Variants in SMYD3 observed in about 807,000 individuals in gnomAD.
SMYD3 encodes SET and MYND domain containing 3.
Under a neutral mutation model 57.7 loss-of-function variants are expected in SMYD3, and 36 were observed. The ratio of observed to expected loss-of-function variants is 0.62; its 90% CI spans 0.48 to 0.82. The LOEUF is 0.82. Among genes scored for constraint, SMYD3 ranks in the 40% least tolerant of loss-of-function variants. SMYD3 has a pLI of 0.00. For missense variants in SMYD3, 515 were observed against 538.8 expected, an observed-to-expected ratio of 0.96 and a Z score of 0.44; for synonymous variants, 211 against 195.0, an observed-to-expected ratio of 1.08 and a Z score of -0.68.
At chr1:246,272,578 T>C (rs1172789896) in intron 5 of SMYD3, among the ~76,000 whole-genome samples, 1 of 152,342 alleles carries the variant, frequency 6.6e-6, no homozygotes, top group Non-Finnish European at 1.5e-5. Context: ...TTATATGATA[T>C]ATTACACTGA....
At chr1:245,855,381 G>T (rs1372290895) in intron 10 of SMYD3, among the ~76,000 whole-genome samples, 1 of 152,074 alleles carries the variant, frequency 6.6e-6, no homozygotes. Flanking sequence ...AGACTTTCAT[G>T]GGTTAGTCTG....
At chr1:245,816,991 G>A (rs1227978484) in intron 10 of SMYD3, among the ~76,000 whole-genome samples, 1 of 151,582 alleles carries the variant, frequency 6.6e-6, no homozygotes, top group African/African-American at 2.4e-5. Flanking sequence ...CCATTGCCCA[G>A]GCTTGCTTAG....
intron 10 of SMYD3, among the ~76,000 whole-genome samples, chr1:245,825,195 C>T (rs1463539003): frequency 1.3e-5 from 2 of 152,292 alleles, no homozygotes; most frequent in East Asian, 3.9e-4. Flanking sequence ...ACCACCTCTC[C>T]CTGTAATCTT....
rs146903594 is a variant in SMYD3 at position 246,395,588 on chromosome 1, G to GGTCAGACAGGGAAGAGGAACCCACCACA, written c.165-40495_165-40494insTGTGGTGGGTTCCTCTTCCCTGTCTGAC. Among the ~76,000 whole-genome samples, 740 of 127,498 alleles carry GGTCAGACAGGGAAGAGGAACCCACCACA rather than the reference G, an allele frequency of 5.8e-3. 167 individuals are homozygous for GGTCAGACAGGGAAGAGGAACCCACCACA. The highest frequency in any genetic ancestry group is 0.038 in the South Asian group (126 of 3,290). The allele number at this position is 127,498 out of a possible 152,430, so 83.6% of individuals were successfully genotyped here. A position where few individuals can be genotyped will look rare whatever the true frequency, so the allele number is the denominator to read the frequency against. On this transcript the variant is annotated intron_variant, in intron 1 of 11. Transcript: ENST00000490107. ...ACTACTACTGCGAGTGGACCCCCAC[G>GGTCAGACAGGGAAGAGGAACCCACCACA]GTCAGACAGGGAAGAGGAACCCACC...
intron 5 of SMYD3, among the ~76,000 whole-genome samples, chr1:245,973,179 C>G (rs1489674910): frequency 1.3e-5 from 2 of 152,144 alleles, no homozygotes; most frequent in East Asian, 3.9e-4. Flanking sequence ...TCAAAACTTT[C>G]AACTCTAGAA....
intron 5 of SMYD3, among the ~76,000 whole-genome samples, chr1:246,036,720 A>ATTTTTTTTTTT (rs546300378): frequency 4.5e-4 from 50 of 110,488 alleles, no homozygotes; most frequent in African/African-American, 1.7e-3. Context: ...AGCCCGGCTA[A>ATTTTTTTTTTT]TTTTTTTTTT....
intron 5 of SMYD3, among the ~76,000 whole-genome samples, chr1:246,177,421 C>T (rs1362324756): frequency 1.3e-5 from 2 of 152,180 alleles, no homozygotes; most frequent in East Asian, 3.8e-4. Context: ...AAATTCTAGA[C>T]ATGGCAGCCT....
intron 1 of SMYD3, among the ~76,000 whole-genome samples, chr1:246,400,979 G>A (rs190818881): frequency 2.0e-5 from 3 of 152,068 alleles, no homozygotes; most frequent in Non-Finnish European, 4.4e-5. Flanking sequence ...AAAATCTGAA[G>A]CTCATAAATC....
chr1:246,294,643 T>C (rs1572347801), intron 5 of SMYD3, among the ~76,000 whole-genome samples: 1 of 151,990 alleles, frequency 6.6e-6, no homozygotes. Flanking sequence ...CTGTTGCCCA[T>C]GTTGGCGTGC....
chr1:246,048,638 T>C (rs1454544233), intron 5 of SMYD3, among the ~76,000 whole-genome samples: 1 of 152,198 alleles, frequency 6.6e-6, no homozygotes. Flanking sequence ...ATTCCAAGTC[T>C]GGGCTTCACC....
At chr1:245,901,798 C>T (rs1449385272) in intron 8 of SMYD3, among the ~76,000 whole-genome samples, 1 of 152,220 alleles carries the variant, frequency 6.6e-6, no homozygotes, top group Non-Finnish European at 1.5e-5. Context: ...GGGATTGGCT[C>T]AGAGCCAGGA....
chr1:246,366,073 C>T (rs1166429122), intron 1 of SMYD3, among the ~76,000 whole-genome samples: 2 of 152,044 alleles, frequency 1.3e-5, no homozygotes, highest in Non-Finnish European at 2.9e-5. Context: ...TAAAAAATAA[C>T]GAGCAGAATC....
At chr1:245,930,383 C>T in intron 5 of SMYD3, 1 of 340,478 alleles carries the variant, frequency 2.9e-6, no homozygotes, top group Non-Finnish European at 5.7e-6. Context: ...TTGTCTCTTA[C>T]TCCTACAGAA....
At chr1:246,316,014 T>C (rs1236419472) in intron 5 of SMYD3, among the ~76,000 whole-genome samples, 3 of 152,160 alleles carry the variant, frequency 2.0e-5, no homozygotes, top group African/African-American at 7.2e-5. Context: ...TAATATTATA[T>C]CTCTAAAACA....
chr1:246,451,002 A>G (rs1209487412), intron 1 of SMYD3, among the ~76,000 whole-genome samples: 1 of 152,204 alleles, frequency 6.6e-6, no homozygotes, highest in Non-Finnish European at 1.5e-5. Context: ...CCTAAAGACA[A>G]AGAATCTCCC....
chr1:245,920,101 C>G lies in SMYD3; in HGVS notation c.703-4461G>C, dbSNP rs535172708. ...GGCCAAGGCGGTAGGATCACGAGGT[C>G]AGGAGATTGAGACCATCCTGGCTAA... On this transcript the variant is annotated intron_variant, in intron 7 of 11. Transcript: ENST00000490107. Among the ~76,000 whole-genome samples the G allele has an allele frequency of 4.9e-3, 742 of 152,190 alleles. 1 individual carries two copies. Among genetic ancestry groups the G allele is most frequent in the Non-Finnish European group, 8.4e-3 (574 of 67,994 alleles).
chr1:245,763,633 C>A (rs749202252), intron 11 of SMYD3, among the ~76,000 whole-genome samples: 2 of 151,964 alleles, frequency 1.3e-5, no homozygotes, highest in Admixed American at 6.5e-5. Context: ...AACTGCCACA[C>A]AGATGGTCAA....
intron 5 of SMYD3, among the ~76,000 whole-genome samples, chr1:246,240,795 C>A (rs771491426): frequency 6.6e-6 from 1 of 152,128 alleles, no homozygotes; most frequent in Non-Finnish European, 1.5e-5. Flanking sequence ...TCGCCTTGAA[C>A]AGGTCCTTCA....
At chr1:245,818,155 G>A (rs909386295) in intron 10 of SMYD3, among the ~76,000 whole-genome samples, 5 of 152,098 alleles carry the variant, frequency 3.3e-5, no homozygotes, top group African/African-American at 7.2e-5. Context: ...GAGAAAGATC[G>A]GGTTACCCTC....
Sources: gnomAD v4.1 joint callset for allele counts (sites outside exome capture counted in the v4.1 genomes callset) on GRCh38, gnomAD v4.1.1 for gene constraint, MANE v1.5 for transcripts, NCBI Gene and HGNC (gene_info 2026-07-23, HGNC 2026-07-21) for gene names.